The following NAMPT variants were observed in gnomAD, a reference collection of about 807,000 sequenced individuals.
NAMPT encodes the protein nicotinamide phosphoribosyltransferase, also known as NAmPRTase.
Under a neutral mutation model 58.7 loss-of-function variants are expected in NAMPT, and 7 were observed. The ratio of observed to expected loss-of-function variants is 0.12; its 90% confidence interval spans 0.07 to 0.22. The LOEUF is 0.22. Among genes scored for constraint, NAMPT ranks in the 10% least tolerant of loss-of-function variants. The pLI, the probability that NAMPT is intolerant of heterozygous loss-of-function variation, is 1.00. For missense variants in NAMPT, 271 were observed against 567.9 expected (o/e 0.48, Z 5.31); for synonymous variants, 145 against 198.1 (o/e 0.73, Z 2.25).
At chr7:106,257,083 G>A (rs1205810080) in intron 8 of NAMPT, among the ~76,000 whole-genome samples, 2 of 151,860 alleles carry the variant, frequency 1.3e-5, no homozygotes, top group African/African-American at 4.8e-5. Context: ...AGCAGAGGTT[G>A]CAGTGAGCTG....
upstream of NAMPT, chr7:106,285,516 C>T: frequency 2.0e-6 from 2 of 985,578 alleles, no homozygotes; most frequent in Non-Finnish European, 2.4e-6. Context: ...GCCCATCTTC[C>T]CGTCCACCAC....
chr7:106,259,878 C>CTT lies in NAMPT; in HGVS notation c.1089+1708_1089+1709dup, dbSNP rs78910620. On this transcript the variant is annotated intron_variant, in intron 8 of 10. Transcript: ENST00000222553. ...ATCTGCAATGATATTTCGAAACAATCTTTTTTTTTTTTTTTTTTCCTGAGC... is the reference window on the plus strand; with the variant it reads ...ATCTGCAATGATATTTCGAAACAATCTTTTTTTTTTTTTTTTTTTTCCTGAGC... Among the ~76,000 whole-genome samples, 295 of 132,786 alleles carry CTT rather than the reference C, an allele frequency of 2.2e-3. 4 individuals carry two copies. Among genetic ancestry groups the CTT allele is most frequent in the Admixed American group, 4.2e-3 (55 of 13,020 alleles). The allele number at this position is 132,786 out of a possible 152,430, so 87.1% of individuals were successfully genotyped here.
intron 10 of NAMPT, 66 bp from the exon 11 acceptor site, chr7:106,251,259 T>A (rs546947228): frequency 3.0e-6 from 3 of 1,012,924 alleles, no homozygotes; most frequent in African/African-American, 3.2e-5. Flanking sequence ...CCTGGTTTGA[T>A]GAATTAGACT....
chr7:106,282,530 G>A (rs1387385226), intron 1 of NAMPT, among the ~76,000 whole-genome samples: 2 of 152,198 alleles, frequency 1.3e-5, no homozygotes, highest in Non-Finnish European at 2.9e-5. Flanking sequence ...GATGAAAATA[G>A]AGGAACCACA....
chr7:106,273,559 C>T (rs1204269019), intron 3 of NAMPT, among the ~76,000 whole-genome samples: 1 of 152,170 alleles, frequency 6.6e-6, no homozygotes, highest in African/African-American at 2.4e-5. Flanking sequence ...ATCTCTCGGT[C>T]TCAGATTCTG....
chr7:106,253,819 G>C (rs1415561978), intron 9 of NAMPT, among the ~76,000 whole-genome samples: 1 of 152,054 alleles, frequency 6.6e-6, no homozygotes, highest in Non-Finnish European at 1.5e-5. Context: ...AATCAACTCA[G>C]GTGTTCTTAA....
Position 106,277,100 on chromosome 7 carries a change from T to A in NAMPT, c.137A>T (p.Asn46Ile). ...ATATTTCACCTTCCTTAATTTGGAGTTTTCTGTCTTCTTTTCACGGCATTC... is the reference window on the plus strand; with the variant it reads ...ATATTTCACCTTCCTTAATTTGGAGATTTCTGTCTTCTTTTCACGGCATTC... ...YFECREKKTE[N>I]SKLRKVKYEE... The change falls in exon 2 of 11, where the codon AAC becomes ATC. Residue 46 changes from asparagine to isoleucine, a missense_variant. Transcript: ENST00000222553. The A allele has an allele frequency of 1.2e-6, 2 of 1,609,068 alleles. No homozygotes were observed. Among genetic ancestry groups the A allele is most frequent in the Non-Finnish European group, 1.7e-6 (2 of 1,175,706 alleles).
upstream of NAMPT, chr7:106,285,196 C>A (rs1420899548): frequency 1.3e-3 from 2 of 1,584 alleles, no homozygotes; most frequent in East Asian, 0.083. Context: ...CGGCAGCGCG[C>A]TGCGCAGTGC....
intron 6 of NAMPT, among the ~76,000 whole-genome samples, chr7:106,265,208 A>G (rs1214768101): frequency 6.6e-6 from 1 of 152,122 alleles, no homozygotes; most frequent in East Asian, 1.9e-4. Flanking sequence ...ATGAATACCA[A>G]TACTGGAGAA....
At chr7:106,280,053 C>T (rs1441868572) in intron 1 of NAMPT, among the ~76,000 whole-genome samples, 1 of 152,084 alleles carries the variant, frequency 6.6e-6, no homozygotes, top group Non-Finnish European at 1.5e-5. Context: ...GATTTTATAC[C>T]AAGTGCAATG....
At position 106,249,875 on chromosome 7, in the gene NAMPT, T is replaced by C. The variant is rs1792078164; in HGVS notation, c.*1208A>G. The C allele has an allele frequency of 6.6e-6, 1 of 152,054 alleles. No homozygotes were observed. Among genetic ancestry groups the C allele is most frequent in the Non-Finnish European group, 1.5e-5 (1 of 67,946 alleles). 9.4% of individuals were successfully genotyped at this position (152,054 alleles called of 1,614,324 possible). A position where few individuals can be genotyped will look rare whatever the true frequency, so the allele number is the denominator to read the frequency against. ...GTATGATTCAGAATCTAGTAGCTAATCACTCTAGAACATTTTGATGTCAAG... is the reference window on the plus strand; with the variant it reads ...GTATGATTCAGAATCTAGTAGCTAACCACTCTAGAACATTTTGATGTCAAG... On this transcript the variant is annotated 3_prime_UTR_variant, in exon 11 of 11. Transcript: ENST00000222553.
At chr7:106,268,361 T>C (rs1356673192) in intron 6 of NAMPT, 103 bp downstream of exon 6, 3 of 976,692 alleles carry the variant, frequency 3.1e-6, no homozygotes, top group South Asian at 1.7e-5. Flanking sequence ...TTCATGAAGA[T>C]GTACTGTAGG....
chr7:106,263,957 G>A (rs1017122571), intron 6 of NAMPT, among the ~76,000 whole-genome samples: 7 of 151,984 alleles, frequency 4.6e-5, no homozygotes, highest in African/African-American at 1.7e-4. Context: ...CTTGCTGAGT[G>A]CCCTTTATAC....
intron 8 of NAMPT, among the ~76,000 whole-genome samples, chr7:106,254,977 T>C (rs2115727228): frequency 6.6e-6 from 1 of 152,266 alleles, no homozygotes; most frequent in South Asian, 2.1e-4. Flanking sequence ...CATGTAAGAA[T>C]CAAAGATATT....
chr7:106,282,528 T>C (rs57265962), intron 1 of NAMPT, among the ~76,000 whole-genome samples: 8,215 of 152,186 alleles, frequency 0.054, 725 homozygotes, highest in African/African-American at 0.19. Flanking sequence ...ACGATGAAAA[T>C]AGAGGAACCA....
At chr7:106,259,355 G>A (rs763106225) in intron 8 of NAMPT, among the ~76,000 whole-genome samples, 2 of 151,990 alleles carry the variant, frequency 1.3e-5, no homozygotes, top group Admixed American at 6.5e-5. Flanking sequence ...ACATTTTAAC[G>A]TCCTCCCATG....
intron 6 of NAMPT, among the ~76,000 whole-genome samples, chr7:106,267,485 C>T (rs1792435130): frequency 6.6e-6 from 1 of 152,066 alleles, no homozygotes; most frequent in Non-Finnish European, 1.5e-5. Flanking sequence ...TAAATATTCC[C>T]TAATGATTAT....
chr7:106,254,537 A>C (rs2115725321), intron 8 of NAMPT, 33 bp from the exon 9 acceptor site: 2 of 1,603,114 alleles, frequency 1.2e-6, no homozygotes, highest in Admixed American at 1.7e-5. Context: ...AACCAAACCA[A>C]ACCTTAATTT....
intron 9 of NAMPT, chr7:106,253,463 A>G (rs553901057): frequency 3.9e-6 from 1 of 256,052 alleles, no homozygotes; most frequent in African/African-American, 2.2e-5. Flanking sequence ...TCTTTATATT[A>G]CAAACTGCCT....
Sources: allele counts gnomAD v4.1 joint callset (sites outside exome capture counted in the v4.1 genomes callset), GRCh38; gene constraint gnomAD v4.1.1; transcripts MANE v1.5; gene names NCBI Gene and HGNC (gene_info 2026-07-23, HGNC 2026-07-21).